SLC7A13: variants seen among roughly 807,000 people sequenced by gnomAD.
SLC7A13 encodes the protein solute carrier family 7 member 13, also known as X-amino acid transporter 2.
SLC7A13 carries 31 observed loss-of-function variants against 32.0 expected under a neutral mutation model. The observed-to-expected ratio is 0.97, with a 90% CI of 0.73 to 1.31. SLC7A13 has a LOEUF of 1.31. Among genes scored for constraint, SLC7A13 ranks in the 50% most tolerant of loss-of-function variants. SLC7A13 has a pLI of 0.00. For synonymous variants in SLC7A13, 232 were observed against 206.9 expected (o/e 1.12, Z -1.04); for missense variants, 633 against 546.9 (o/e 1.16, Z -1.57).
chr8:86,217,885 T>A, intron 2 of SLC7A13, 54 bp from the exon 3 acceptor site: 1 of 1,458,896 alleles, frequency 6.9e-7, no homozygotes, highest in Non-Finnish European at 9.1e-7. Flanking sequence ...GAAATACTAA[T>A]GATAAACCTT....
At chr8:86,215,306 C>A (rs905411255) in intron 3 of SLC7A13, among the ~76,000 whole-genome samples, 2 of 152,078 alleles carry the variant, frequency 1.3e-5, no homozygotes, top group Non-Finnish European at 2.9e-5. Flanking sequence ...AATCTATATT[C>A]CCCAAAGATA....
intron 2 of SLC7A13, among the ~76,000 whole-genome samples, chr8:86,219,497 A>T (rs1820251669): frequency 1.3e-5 from 2 of 152,184 alleles, no homozygotes; most frequent in African/African-American, 4.8e-5. Context: ...ACTGAAGAAC[A>T]TGAAGTGAAA....
At chr8:86,224,669 A>G (rs1820358251) in intron 1 of SLC7A13, among the ~76,000 whole-genome samples, 1 of 152,176 alleles carries the variant, frequency 6.6e-6, no homozygotes, top group Admixed American at 6.5e-5. Flanking sequence ...ATGATCATCT[A>G]TAACCTTAAT....
In SLC7A13 at chr8:86,214,660, AGTTTG is replaced by A. The variant is rs1472222818; in HGVS notation, c.1180-19_1180-15del. The A allele has an allele frequency of 5.1e-6, 8 of 1,581,528 alleles. No individual in the cohort carries two copies. Among genetic ancestry groups the A allele is most frequent in the Admixed American group, 3.6e-5 (2 of 55,232 alleles). On this transcript the variant is annotated splice_polypyrimidine_tract_variant and intron_variant, in intron 3 of 3. Transcript: ENST00000297524. ...TGACAAAAACACCTGAAAAGAGCAA[AGTTTG>A]AAAAAATATTGGATATGAACATCCA...
chr8:86,220,742 G>A (rs747301644), intron 2 of SLC7A13, among the ~76,000 whole-genome samples: 7 of 152,058 alleles, frequency 4.6e-5, no homozygotes, highest in South Asian at 2.1e-4. Context: ...AGTGGCTCAC[G>A]TCTGTAACCC....
chr8:86,230,220 T>A lies in SLC7A13; in HGVS notation c.58A>T (p.Ser20Cys). The change falls in exon 1 of 4, where the codon AGT becomes TGT. Residue 20 changes from serine to cysteine, a missense_variant. Transcript: ENST00000297524. ...CCAATGATATTAATAAGCAAAAAACTTGTGCCCCACCAATATCCAAACACT... is the reference window on the plus strand; with the variant it reads ...CCAATGATATTAATAAGCAAAAAACATGTGCCCCACCAATATCCAAACACT... ...KRVFGYWWGTSFLLINIIGAG... is the reference protein window; with the variant it reads ...KRVFGYWWGTCFLLINIIGAG... 1 of 1,613,580 alleles carries A rather than the reference T, an allele frequency of 6.2e-7. No individual in the cohort carries two copies. The highest frequency in any genetic ancestry group is 8.5e-7 in the Non-Finnish European group (1 of 1,179,788).
intron 1 of SLC7A13, among the ~76,000 whole-genome samples, chr8:86,227,573 A>G (rs2129808552): frequency 6.6e-6 from 1 of 152,342 alleles, no homozygotes. Flanking sequence ...TTGACACAGC[A>G]ATTCCACTAC....
rs1233298055 is a variant in SLC7A13 at position 86,230,258 on chromosome 8, A to G, written c.20T>C (p.Ile7Thr). The G allele has an allele frequency of 6.2e-7, 1 of 1,601,386 alleles. No homozygotes were observed. Among genetic ancestry groups the G allele is most frequent in the Non-Finnish European group, 8.5e-7 (1 of 1,174,238 alleles). Residue 7 changes from isoleucine (I) to threonine (T), a missense_variant, in exon 1 of 4, where the codon ATA (isoleucine) becomes ACA (threonine). Coordinates refer to ENST00000297524, the MANE Select transcript of SLC7A13 (RefSeq NM_138817.3). MDRGEK[I>T]QLKRVFGYWW... is the part of the protein sequence containing the mutation. ...ATATCCAAACACTCTCTTGAGCTGT[A>G]TTTTCTCCCCTCTATCCATTGTAAT...
chr8:86,219,641 A>G (rs914456561), intron 2 of SLC7A13, among the ~76,000 whole-genome samples: 2 of 152,114 alleles, frequency 1.3e-5, no homozygotes, highest in South Asian at 2.1e-4. Flanking sequence ...ATGAGTCTGC[A>G]TGTATTTGTA....
Position 86,229,900 on chromosome 8 carries a change from G to A in SLC7A13, c.378C>T (p.Ser126=). The part of the protein sequence containing the change: ...AEYSIQPFFP[S]CSVPKLPKKC... ...TCTTAGGCAGCTTTGGGACAGAGCA[G>A]CTGGGAAAAAAAGGCTGGATGCTGT... The change falls in exon 1 of 4, where the codon AGC becomes AGT. Residue 126 remains serine (S), a synonymous_variant. Coordinates refer to ENST00000297524, the MANE Select transcript of SLC7A13 (RefSeq NM_138817.3). 6.2e-7 allele frequency: 1 copy of A among 1,614,142 alleles called. No homozygotes were observed. Among genetic ancestry groups the A allele is most frequent in the African/African-American group, 1.3e-5 (1 of 75,056 alleles).
chr8:86,214,554 G>T lies in SLC7A13; in HGVS notation c.1272C>A (p.Tyr424Ter). ...LVKSPNVHYV[Y>*]VLLLVLSGLL... is the part of the protein sequence containing the mutation. ...ATCCGCTGAGAACTAACAGAAGCAC[G>T]TAGACATAATGCACATTTGGAGACT... The change falls in exon 4 of 4, where the codon TAC (tyrosine) becomes TAA (stop). Residue 424 changes from tyrosine to a stop codon, truncating the protein, a stop_gained. Coordinates refer to ENST00000297524, the MANE Select transcript of SLC7A13 (RefSeq NM_138817.3). LOFTEE classifies it low-confidence loss of function (END_TRUNC). The T allele has an allele frequency of 1.2e-6, 2 of 1,613,612 alleles. No homozygotes were observed. The highest frequency in any genetic ancestry group is 2.2e-5 in the East Asian group (1 of 44,792).
chr8:86,221,044 C>T (rs1820288191), intron 2 of SLC7A13, among the ~76,000 whole-genome samples: 1 of 150,362 alleles, frequency 6.7e-6, no homozygotes, highest in Non-Finnish European at 1.5e-5. Flanking sequence ...CCCCTTATTA[C>T]ACAAATTTTG....
chr8:86,230,350 A>T lies in SLC7A13; in HGVS notation c.-73T>A. The T allele has an allele frequency of 7.9e-7, 1 of 1,271,444 alleles. No homozygotes were observed. The highest frequency in any genetic ancestry group is 1.1e-6 in the Non-Finnish European group (1 of 934,916). 78.8% of individuals were successfully genotyped at this position (1,271,444 alleles called of 1,614,324 possible). A position where few individuals can be genotyped will look rare whatever the true frequency, so the allele number is the denominator to read the frequency against. ...TTTCCTGCCTATGTAGCTGCAAAGG[A>T]TGTTGATGGATTCCTGAAATAAAAT... On this transcript the variant is annotated 5_prime_UTR_variant, in exon 1 of 4. Transcript: ENST00000297524.
In SLC7A13 at chr8:86,217,705, T is replaced by C. The variant is rs1215168390; in HGVS notation, c.944A>G (p.Tyr315Cys). ...CAGCTGGCCCTCTTGGCTTGCAAGA[T>C]ATATTGGTCTCGATGATTTAAATAT... The part of the protein sequence containing the change: ...ISIFKSSRPI[Y>C]LASQEGQLPL... Residue 315 changes from tyrosine to cysteine, a missense_variant, in exon 3 of 4, where the codon TAT becomes TGT. By Grantham distance (194) the Tyr-to-Cys change is radical. Transcript: ENST00000297524. The C allele has an allele frequency of 3.8e-5, 61 of 1,613,394 alleles. No individual in the cohort carries two copies. Among genetic ancestry groups the C allele is most frequent in the Non-Finnish European group, 5.1e-5 (60 of 1,179,658 alleles).
rs1451545875 is a variant in SLC7A13, at chr8:86,230,225, C to T, written c.53G>A (p.Gly18Asp). 3.1e-6 allele frequency: 5 copies of T among 1,613,174 alleles called. No homozygotes were observed. In the East Asian group the frequency reaches 6.7e-5, roughly 22 times the overall value. Reference sequence around the variant, plus strand: ...GATATTAATAAGCAAAAAACTTGTGCCCCACCAATATCCAAACACTCTCTT... The same window carrying T: ...GATATTAATAAGCAAAAAACTTGTGTCCCACCAATATCCAAACACTCTCTT... ...QLKRVFGYWW[G>D]TSFLLINIIG... Residue 18 changes from glycine (G) to aspartate (D), a missense_variant, in exon 1 of 4, where the codon GGC (glycine) becomes GAC (aspartate). Physicochemically the swap from Gly to Asp is moderately conservative, Grantham distance 94. Transcript: ENST00000297524.
At chr8:86,215,750 AG>A (rs1820171091) in intron 3 of SLC7A13, 4 of 398,346 alleles carry the variant, frequency 1.0e-5, no homozygotes, top group Non-Finnish European at 2.0e-5. Flanking sequence ...TCCCAGAAAA[AG>A]ATACTTTATC....
intron 1 of SLC7A13, 105 bp from the exon 2 acceptor site, chr8:86,223,208 G>T: frequency 1.7e-6 from 2 of 1,147,882 alleles, no homozygotes; most frequent in Non-Finnish European, 2.4e-6. Flanking sequence ...TGGGGTACAA[G>T]CATGATTTTA....
At position 86,214,307 on chromosome 8, in the gene SLC7A13, C is replaced by T; in HGVS notation, c.*106G>A. The T allele has an allele frequency of 1.5e-6, 1 of 677,456 alleles. No individual in the cohort carries two copies. Among genetic ancestry groups the T allele is most frequent in the South Asian group, 2.1e-5 (1 of 47,082 alleles). 42.0% of individuals were successfully genotyped at this position (677,456 alleles called of 1,614,324 possible). On this transcript the variant is annotated 3_prime_UTR_variant, in exon 4 of 4. Coordinates refer to ENST00000297524, the MANE Select transcript of SLC7A13 (RefSeq NM_138817.3). ...TTTCATTTGAGAAAAAAATATTTAC[C>T]ATAGGAATTTCACCATGAATGTTCT...
intron 3 of SLC7A13, among the ~76,000 whole-genome samples, chr8:86,215,325 A>C (rs1039144543): frequency 6.6e-6 from 1 of 152,182 alleles, no homozygotes; most frequent in Non-Finnish European, 1.5e-5. Context: ...TATATATTAC[A>C]CAGCTAGTCA....
Sources: gnomAD v4.1 joint callset for allele counts (sites outside exome capture counted in the v4.1 genomes callset) on GRCh38, gnomAD v4.1.1 for gene constraint, MANE v1.5 for transcripts, NCBI Gene and HGNC (gene_info 2026-07-23, HGNC 2026-07-21) for gene names.